XPNPEP2: variants seen among roughly 807,000 people sequenced by gnomAD.
XPNPEP2 encodes X-prolyl aminopeptidase 2, also known as xaa-Pro aminopeptidase 2.
In XPNPEP2, 64 loss-of-function variants were observed where a neutral mutation model predicts 59.8. The observed-to-expected ratio is 1.07, with a 90% CI of 0.87 to 1.32. The LOEUF is 1.32. XPNPEP2 is among the 40% of genes most tolerant of loss of function. The pLI, the probability that XPNPEP2 is intolerant of heterozygous loss-of-function variation, is 0.00. For missense variants in XPNPEP2, 575 were observed against 546.8 expected (o/e 1.05, Z -0.51); for synonymous variants, 235 against 210.0 (o/e 1.12, Z -1.03).
intron 16 of XPNPEP2, 41 bp downstream of exon 16, chrX:129,760,622 G>T: frequency 8.6e-7 from 1 of 1,169,551 alleles, no homozygotes; most frequent in East Asian, 3.0e-5. Context: ...CTCAGGCCCT[G>T]ATTTCACAGG....
At chrX:129,756,414 C>T in intron 13 of XPNPEP2, 70 bp from the exon 14 acceptor site, 3 of 1,108,379 alleles carry the variant, frequency 2.7e-6, no homozygotes, top group Non-Finnish European at 3.7e-6. Flanking sequence ...AGAGGTCCTC[C>T]CACCAAGGCC....
chrX:129,745,238 G>A lies in XPNPEP2; in HGVS notation c.270G>A (p.Ala90=), dbSNP rs190243372. Residue 90 remains alanine (A), a synonymous_variant, in exon 4 of 21, where the codon GCG becomes GCA. Transcript: ENST00000371106. The part of the protein sequence containing the change: ...EYIGQHDERR[A]WITGFTGSAG... ...TCGGCCAACATGACGAGAGGCGTGC[G>A]TGGATTACAGGCTTTACAGGGTCTG... 9.9e-6 allele frequency: 12 copies of A among 1,211,670 alleles called. No individual in the cohort carries two copies. The highest frequency in any genetic ancestry group is 2.3e-4 in the Middle Eastern group (1 of 4,352).
rs1926638166 is a variant in XPNPEP2 at position 129,760,565 on chromosome X, T to A, written c.1482T>A (p.Phe494Leu). The A allele has an allele frequency of 2.5e-6, 3 of 1,210,743 alleles. No homozygotes were observed. Among genetic ancestry groups the A allele is most frequent in the Non-Finnish European group, 3.4e-6 (3 of 895,284 alleles). ...ATATTGACCTGTCCAGGCTCATCTT[T>A]CCCGCTGCTACATCAGGTGGGTTTC... The part of the protein sequence containing the change: ...IGNIDLSRLI[F>L]PAATSGRMVE... Residue 494 changes from phenylalanine to leucine, a missense_variant, in exon 16 of 21, where the codon TTT becomes TTA. Physicochemically the swap from Phe to Leu is conservative, Grantham distance 22 (BLOSUM62 0). Transcript: ENST00000371106.
Position 129,746,262 on chromosome X carries a change from G to T in XPNPEP2, c.325G>T (p.Ala109Ser). The T allele has an allele frequency of 8.3e-7, 1 of 1,211,294 alleles. No individual in the cohort carries two copies. Among genetic ancestry groups the T allele is most frequent in the Non-Finnish European group, 1.1e-6 (1 of 895,475 alleles). ...AGTAVVTMKKAAVWTDSRYWT... is the reference protein window; with the variant it reads ...AGTAVVTMKKSAVWTDSRYWT... ...AACTGCAGTGGTGACTATGAAGAAA[G>T]CAGCTGTCTGGACCGACAGTCGCTA... Residue 109 changes from alanine to serine, a missense_variant, in exon 5 of 21, where the codon GCA becomes TCA. Physicochemically the swap from Ala to Ser is moderately conservative, Grantham distance 99. Coordinates refer to ENST00000371106, the MANE Select transcript of XPNPEP2 (RefSeq NM_003399.6).
rs1220030376 is a variant in XPNPEP2, at chrX:129,751,836, T to G, written c.821+10T>G. The G allele has an allele frequency of 8.3e-7, 1 of 1,199,684 alleles. No individual in the cohort carries two copies. ...CAGACTCTTCTATTAGGTATGGCTT[T>G]TCCTTAGCTTGCTGTTGTGGACTTT... On this transcript the variant is annotated intron_variant, in intron 9 of 20. Coordinates refer to ENST00000371106, the MANE Select transcript of XPNPEP2 (RefSeq NM_003399.6).
chrX:129,755,272 T>C (rs780623428), intron 12 of XPNPEP2, 22 bp from the exon 13 acceptor site: 2 of 1,205,192 alleles, frequency 1.7e-6, no homozygotes, highest in Non-Finnish European at 1.1e-6. Context: ...TCATTGACCA[T>C]GCCTTGCCTT....
intron 13 of XPNPEP2, among the ~76,000 whole-genome samples, 185 bp downstream of exon 13, chrX:129,755,556 G>A (rs1374699401): frequency 8.9e-6 from 1 of 111,789 alleles, no homozygotes; most frequent in East Asian, 2.8e-4. Context: ...GTAATGAAAA[G>A]GCCTGAGAGC....
intron 7 of XPNPEP2, 34 bp from the exon 8 acceptor site, chrX:129,750,434 C>CACTT: frequency 5.3e-6 from 6 of 1,137,863 alleles, no homozygotes; most frequent in Non-Finnish European, 7.1e-6. Context: ...CAAGGTCTGT[C>CACTT]ACTTACACTT....
intron 19 of XPNPEP2, among the ~76,000 whole-genome samples, chrX:129,764,750 G>A (rs1460595894): frequency 3.6e-5 from 4 of 110,844 alleles, no homozygotes; most frequent in African/African-American, 1.3e-4. Flanking sequence ...GATCACTTGA[G>A]GTCAGGAGTT....
rs771460052 is a variant in XPNPEP2, at chrX:129,767,265, A to G, written c.1741-338A>G. ...ATTTAGATTTCTGGGCCCTGCCCTA[A>G]GGATTCTGCCTCCAGTAGGTTTGGG... On this transcript the variant is annotated intron_variant, in intron 19 of 20. Transcript: ENST00000371106. 2.0e-4 allele frequency among the ~76,000 whole-genome samples: 23 copies of G among 112,531 alleles called. No individual in the cohort carries two copies. In the South Asian group the frequency reaches 7.8e-3, roughly 38 times the overall value.
chrX:129,757,862 G>GAAA (rs1926567326), intron 14 of XPNPEP2, among the ~76,000 whole-genome samples: 1 of 37,073 alleles, frequency 2.7e-5, no homozygotes, highest in Admixed American at 3.5e-4. Context: ...AAAGAAAGAG[G>GAAA]GAGAGAGAGA....
rs1439951021 is a variant in XPNPEP2 at position 129,742,892 on chromosome X, A to T, written c.123+711A>T. Among the ~76,000 whole-genome samples the T allele has an allele frequency of 2.7e-5, 3 of 111,739 alleles. No individual in the cohort carries two copies. The East Asian group carries it at 8.4e-4, about 31-fold the overall frequency. ...ACTCCAGTCTGGGCGACAGAGCAAG[A>T]CTCTGTCTCAAAAACAAAACAAAAC... On this transcript the variant is annotated intron_variant, in intron 2 of 20. Transcript: ENST00000371106.
At chrX:129,765,643 T>C (rs1926737356) in intron 19 of XPNPEP2, among the ~76,000 whole-genome samples, 1 of 96,478 alleles carries the variant, frequency 1.0e-5, no homozygotes, top group East Asian at 3.2e-4. Flanking sequence ...TTCTTTTTTT[T>C]TTTTTTTTTT....
At chrX:129,759,697 C>G (rs918613228) in intron 15 of XPNPEP2, among the ~76,000 whole-genome samples, 1 of 112,765 alleles carries the variant, frequency 8.9e-6, no homozygotes, top group Non-Finnish European at 1.9e-5. Context: ...AGCGAGCTGC[C>G]GTCATGCTGC....
intron 15 of XPNPEP2, among the ~76,000 whole-genome samples, chrX:129,759,631 C>T (rs1206362945): frequency 4.4e-5 from 5 of 112,824 alleles, no homozygotes; most frequent in Non-Finnish European, 7.5e-5. Context: ...GGCTGGCCAG[C>T]TGGGGCAGAG....
At chrX:129,765,747 C>T (rs1368347826) in intron 19 of XPNPEP2, among the ~76,000 whole-genome samples, 1 of 103,723 alleles carries the variant, frequency 9.6e-6, no homozygotes, top group Non-Finnish European at 1.9e-5. Flanking sequence ...AAGTGATTCT[C>T]TTGCCTTAGT....
intron 19 of XPNPEP2, among the ~76,000 whole-genome samples, chrX:129,764,655 CAA>C (rs36050746): frequency 0.018 from 1,465 of 80,059 alleles, 18 homozygotes; most frequent in African/African-American, 0.041. Flanking sequence ...AACTCTGTCT[CAA>C]AAAAAAAAAA....
chrX:129,767,526 C>CTCCT (rs1217866895), intron 19 of XPNPEP2, 77 bp from the exon 20 acceptor site: 5 of 1,024,645 alleles, frequency 4.9e-6, no homozygotes, highest in Middle Eastern at 2.5e-4. Context: ...GGGTGGAGTG[C>CTCCT]TCCTTCCTTC....
At chrX:129,743,071 G>A (rs907734959) in intron 2 of XPNPEP2, among the ~76,000 whole-genome samples, 2 of 111,959 alleles carry the variant, frequency 1.8e-5, no homozygotes, top group East Asian at 2.8e-4. Context: ...GGGCTAAGGG[G>A]TAGGCATGCC....
Sources: allele counts gnomAD v4.1 joint callset (sites outside exome capture counted in the v4.1 genomes callset), GRCh38; gene constraint gnomAD v4.1.1; transcripts MANE v1.5; gene names NCBI Gene and HGNC (gene_info 2026-07-23, HGNC 2026-07-21).